CACNA2D2: variants seen among roughly 807,000 people sequenced by gnomAD.
CACNA2D2 encodes the protein voltage-dependent calcium channel subunit alpha-2/delta-2.
In CACNA2D2, 48 loss-of-function variants were observed where a neutral mutation model predicts 166.4. The ratio of observed to expected loss-of-function variants is 0.29; its 90% confidence interval spans 0.23 to 0.37. CACNA2D2 has a LOEUF of 0.37. Among genes scored for constraint, CACNA2D2 ranks in the 10% least tolerant of loss-of-function variants. The pLI is 1.00. For synonymous variants in CACNA2D2, 561 were observed against 573.7 expected (o/e 0.98, Z 0.32); for missense variants, 1,122 against 1,433.0 (o/e 0.78, Z 3.50).
At chr3:50,394,362 C>T (rs1706042269) in intron 3 of CACNA2D2, among the ~76,000 whole-genome samples, 194 bp from the exon 4 acceptor site, 1 of 152,146 alleles carries the variant, frequency 6.6e-6, no homozygotes, top group African/African-American at 2.4e-5. Flanking sequence ...CCTCCTTGAC[C>T]ACAGCTGGGT....
intron 1 of CACNA2D2, among the ~76,000 whole-genome samples, chr3:50,498,127 G>GA (rs1028742863): frequency 2.6e-5 from 4 of 152,124 alleles, no homozygotes; most frequent in Admixed American, 2.0e-4. Flanking sequence ...CTGGAAGGGG[G>GA]AAGAGAGAGA....
intron 3 of CACNA2D2, among the ~76,000 whole-genome samples, chr3:50,432,026 T>C (rs1222787996): frequency 6.7e-6 from 1 of 149,946 alleles, no homozygotes; most frequent in Non-Finnish European, 1.5e-5. Context: ...AAATAATTTC[T>C]GTTTAGTGCC....
At position 50,364,878 on chromosome 3, in the gene CACNA2D2, C is replaced by T. The variant is rs2239801; in HGVS notation, c.3291+10G>A. 1.2e-6 allele frequency: 2 copies of T among 1,613,344 alleles called. No homozygotes were observed. Among genetic ancestry groups the T allele is most frequent in the African/African-American group, 1.3e-5 (1 of 75,038 alleles). ...CGCGGGATTTCGGGTCCACCGCCCCCTCTCCTCACTGTCGCGTTGTAGTCG... is the reference window on the plus strand; with the variant it reads ...CGCGGGATTTCGGGTCCACCGCCCCTTCTCCTCACTGTCGCGTTGTAGTCG... On this transcript the variant is annotated intron_variant, in intron 37 of 37. Transcript: ENST00000424201.
chr3:50,455,571 G>A (rs1709320377), intron 2 of CACNA2D2, among the ~76,000 whole-genome samples: 1 of 152,172 alleles, frequency 6.6e-6, no homozygotes, highest in Admixed American at 6.5e-5. Context: ...TTTAAACACA[G>A]CGTTACAAAC....
Position 50,384,212 on chromosome 3 carries a change from C to T in CACNA2D2, c.636G>A (p.Thr212=), listed in dbSNP as rs1335792927. The T allele has an allele frequency of 3.7e-6, 6 of 1,614,070 alleles. No homozygotes were observed. The highest frequency in any genetic ancestry group is 5.1e-6 in the Non-Finnish European group (6 of 1,179,962). The change falls in exon 6 of 38, where the codon ACG becomes ACA. Residue 212 remains threonine (T), a synonymous_variant. Coordinates refer to ENST00000424201, the MANE Select transcript of CACNA2D2 (RefSeq NM_006030.4). The stretch of plus-strand genomic sequence containing the variant: ...CACACTCACAGCCTTTGTAGATGTC[C>T]GTAGGGATCTGTACAGCCGCGTATG... ...NYSYAAVQIP[T]DIYKGSTVIL...
chr3:50,403,113 G>A (rs1706525549), intron 3 of CACNA2D2, among the ~76,000 whole-genome samples: 1 of 152,190 alleles, frequency 6.6e-6, no homozygotes, highest in African/African-American at 2.4e-5. Context: ...ATAATTTGGG[G>A]AGCACTGCCC....
chr3:50,429,110 A>C (rs1434199894), intron 3 of CACNA2D2, among the ~76,000 whole-genome samples: 1 of 152,156 alleles, frequency 6.6e-6, no homozygotes, highest in Non-Finnish European at 1.5e-5. Flanking sequence ...CACACCTGTA[A>C]TCCCGGCTAC....
Position 50,365,268 on chromosome 3 carries a change from G to T in CACNA2D2, c.3099-84C>A. The T allele has an allele frequency of 8.3e-7, 1 of 1,208,878 alleles. No homozygotes were observed. Among genetic ancestry groups the T allele is most frequent in the Non-Finnish European group, 1.1e-6 (1 of 932,746 alleles). The allele number at this position is 1,208,878 out of a possible 1,614,324, so 74.9% of individuals were successfully genotyped here. ...CCTGCGGCCCCGCCCCCGGCCGCTC[G>T]GAGGCCCCGCCCCTTCCATCCTCCC... On this transcript the variant is annotated intron_variant, in intron 35 of 37. Coordinates refer to ENST00000424201, the MANE Select transcript of CACNA2D2 (RefSeq NM_006030.4). The surrounding 1 kb of genome is among the most constrained non-coding windows in gnomAD (Gnocchi z 4.5).
intron 1 of CACNA2D2, among the ~76,000 whole-genome samples, chr3:50,493,577 G>A (rs917633586): frequency 4.6e-5 from 7 of 152,154 alleles, no homozygotes; most frequent in African/African-American, 1.2e-4. Context: ...GCCAGCAGCC[G>A]CATCACACAC....
chr3:50,421,269 G>C (rs1264169320), intron 3 of CACNA2D2, among the ~76,000 whole-genome samples: 3 of 152,250 alleles, frequency 2.0e-5, no homozygotes, highest in Non-Finnish European at 4.4e-5. Context: ...TTACAGGGCA[G>C]TCACGCAGGG....
chr3:50,481,569 C>T (rs1194862985), intron 1 of CACNA2D2, among the ~76,000 whole-genome samples: 1 of 152,210 alleles, frequency 6.6e-6, no homozygotes, highest in Non-Finnish European at 1.5e-5. Flanking sequence ...TGTGAGGGAG[C>T]AGGCACAGTG....
intron 16 of CACNA2D2, 40 bp downstream of exon 16, chr3:50,377,692 C>T (rs1559887967): frequency 6.3e-7 from 1 of 1,593,160 alleles, no homozygotes; most frequent in African/African-American, 1.3e-5. Flanking sequence ...CCCATTCCTC[C>T]CCAGGCACAC....
chr3:50,486,868 T>C (rs960968729), intron 1 of CACNA2D2, among the ~76,000 whole-genome samples: 1 of 152,224 alleles, frequency 6.6e-6, no homozygotes, highest in Non-Finnish European at 1.5e-5. Context: ...CAGACTGGCC[T>C]GCCCTGACCA....
intron 1 of CACNA2D2, among the ~76,000 whole-genome samples, chr3:50,485,690 T>C (rs958628862): frequency 1.3e-5 from 2 of 152,176 alleles, no homozygotes; most frequent in Non-Finnish European, 2.9e-5. Context: ...TACAGCTCAC[T>C]ATGCAGGGGT....
In CACNA2D2 at chr3:50,503,398, C is replaced by T; in HGVS notation, c.26G>A (p.Gly9Asp). The change falls in exon 1 of 38, where the codon GGC becomes GAC. Residue 9 changes from glycine to aspartate, a missense_variant. Gly to Asp is a moderately conservative substitution (Grantham distance 94). Coordinates refer to ENST00000424201, the MANE Select transcript of CACNA2D2 (RefSeq NM_006030.4). ...CCGCGCTGGGCCGGGCCGAGAGGCGCCGCAGGTCCGAGCCGGCACCGCCAT... is the reference window on the plus strand; with the variant it reads ...CCGCGCTGGGCCGGGCCGAGAGGCGTCGCAGGTCCGAGCCGGCACCGCCAT... MAVPARTC[G>D]ASRPGPARTA... is the part of the protein sequence containing the mutation. 4.3e-6 allele frequency: 1 copy of T among 230,026 alleles called. No individual in the cohort carries two copies. Among genetic ancestry groups the T allele is most frequent in the Non-Finnish European group, 8.3e-6 (1 of 120,544 alleles). The allele number at this position is 230,026 out of a possible 1,614,324, so 14.2% of individuals were successfully genotyped here. A position where few individuals can be genotyped will look rare whatever the true frequency, so the allele number is the denominator to read the frequency against.
At chr3:50,428,380 T>G (rs1707899901) in intron 3 of CACNA2D2, among the ~76,000 whole-genome samples, 1 of 150,570 alleles carries the variant, frequency 6.6e-6, no homozygotes, top group Non-Finnish European at 1.5e-5. Flanking sequence ...GGGAGCGGTC[T>G]GCTGCCCCAC....
At chr3:50,424,375 C>T (rs992569790) in intron 3 of CACNA2D2, among the ~76,000 whole-genome samples, 4 of 152,168 alleles carry the variant, frequency 2.6e-5, no homozygotes, top group Non-Finnish European at 5.9e-5. Flanking sequence ...CCTCACACTG[C>T]ATCTGCACAT....
Position 50,476,117 on chromosome 3 carries a change from C to T in CACNA2D2, c.288+1G>A. 2 of 1,597,702 alleles carry T rather than the reference C, an allele frequency of 1.3e-6. No homozygotes were observed. On this transcript the variant is annotated splice_donor_variant, in intron 2 of 37. Transcript: ENST00000424201. LOFTEE classifies it high-confidence loss of function. ...GAGACAGCAAGTGGCACCGGGCTCA[C>T]CTCACGGAGCTGCTGGACGCCTCCA...
At chr3:50,472,751 C>T (rs1172490136) in intron 2 of CACNA2D2, among the ~76,000 whole-genome samples, 5 of 152,180 alleles carry the variant, frequency 3.3e-5, no homozygotes, top group Non-Finnish European at 5.9e-5. Flanking sequence ...CCTGTCCCAG[C>T]TCCACATCCT....
Sources: allele counts gnomAD v4.1 joint callset (sites outside exome capture counted in the v4.1 genomes callset), GRCh38; gene constraint gnomAD v4.1.1; non-coding constraint Gnocchi (gnomAD v3.1); transcripts MANE v1.5; gene names NCBI Gene and HGNC (gene_info 2026-07-23, HGNC 2026-07-21).